Variants in AGBL4 observed in about 807,000 individuals in gnomAD.
AGBL4 encodes the protein cytosolic carboxypeptidase 6.
AGBL4 carries 58 observed loss-of-function variants against 66.4 expected under a neutral mutation model. That is an observed-to-expected ratio of 0.87 (90% CI 0.71 to 1.09). The LOEUF (loss-of-function observed/expected upper bound fraction) is 1.09. Ranked by LOEUF, AGBL4 falls within the 50% of genes least tolerant of loss-of-function variation. AGBL4 has a pLI of 0.00. For missense variants in AGBL4, 579 were observed against 631.0 expected (o/e 0.92, Z 0.88); for synonymous variants, 234 against 222.9 (o/e 1.05, Z -0.44).
intron 3 of AGBL4, among the ~76,000 whole-genome samples, chr1:49,640,956 G>A (rs1054049047): frequency 6.6e-6 from 1 of 152,064 alleles, no homozygotes; most frequent in Non-Finnish European, 1.5e-5. Flanking sequence ...CAATCCTTGC[G>A]ATGGGACTCA....
At chr1:49,004,294 G>C (rs1391181386) in intron 5 of AGBL4, among the ~76,000 whole-genome samples, 1 of 152,112 alleles carries the variant, frequency 6.6e-6, no homozygotes, top group East Asian at 1.9e-4. Flanking sequence ...CCCCAAGATA[G>C]AGTCAGGAAA....
At chr1:48,750,253 A>G (rs1651476606) in intron 6 of AGBL4, among the ~76,000 whole-genome samples, 2 of 152,262 alleles carry the variant, frequency 1.3e-5, no homozygotes, top group East Asian at 3.9e-4. Context: ...GCCCCCATGA[A>G]CCACCTGTAG....
intron 3 of AGBL4, among the ~76,000 whole-genome samples, chr1:49,414,202 T>C (rs1221057862): frequency 2.0e-5 from 3 of 152,172 alleles, no homozygotes; most frequent in African/African-American, 4.8e-5. Flanking sequence ...CATACACATA[T>C]ATATAAGCCC....
intron 3 of AGBL4, among the ~76,000 whole-genome samples, chr1:49,608,510 CTG>C (rs1267541917): frequency 1.3e-5 from 2 of 152,136 alleles, no homozygotes; most frequent in African/African-American, 2.4e-5. Flanking sequence ...CCTTAGCCTG[CTG>C]TGGTACACAA....
At chr1:49,092,852 C>A (rs1645026860) in intron 4 of AGBL4, among the ~76,000 whole-genome samples, 2 of 152,074 alleles carry the variant, frequency 1.3e-5, no homozygotes, top group Non-Finnish European at 2.9e-5. Context: ...TTCTGCCAGG[C>A]CCAACTGCTT....
At chr1:48,581,467 C>T (rs1401591909) in intron 11 of AGBL4, among the ~76,000 whole-genome samples, 1 of 152,228 alleles carries the variant, frequency 6.6e-6, no homozygotes, top group Non-Finnish European at 1.5e-5. Context: ...TGTCAAAGAG[C>T]TATTTCTTCT....
Position 49,132,361 on chromosome 1 carries a change from C to A in AGBL4, c.378-86561G>T, listed in dbSNP as rs545960808. On this transcript the variant is annotated intron_variant, in intron 4 of 13. Coordinates refer to ENST00000371839, the MANE Select transcript of AGBL4 (RefSeq NM_032785.4). ...ATGTAGAAAGGAAAAAAGAAAATGA[C>A]AACTTTTTATCCTCCAGCTAGCTCG... 5.9e-5 allele frequency among the ~76,000 whole-genome samples: 9 copies of A among 152,172 alleles called. No individual in the cohort carries two copies. In the East Asian group the frequency reaches 1.2e-3, roughly 20 times the overall value.
intron 11 of AGBL4, among the ~76,000 whole-genome samples, chr1:48,550,592 T>C (rs574288486): frequency 1.3e-5 from 2 of 152,320 alleles, no homozygotes; most frequent in Admixed American, 1.3e-4. Flanking sequence ...GTATTATTGA[T>C]AGGTTCTAGG....
chr1:49,654,681 C>T (rs1258987849), intron 3 of AGBL4, among the ~76,000 whole-genome samples: 6 of 152,062 alleles, frequency 3.9e-5, no homozygotes, highest in Admixed American at 3.3e-4. Flanking sequence ...TATATAATGG[C>T]CTTCTTTGTC....
chr1:49,235,811 C>T (rs1217988859), intron 4 of AGBL4, among the ~76,000 whole-genome samples: 2 of 152,066 alleles, frequency 1.3e-5, no homozygotes, highest in South Asian at 2.1e-4. Context: ...AGTGGACAAC[C>T]TCACTGTGCT....
At chr1:48,990,094 T>A (rs1378289251) in intron 5 of AGBL4, among the ~76,000 whole-genome samples, 1 of 152,186 alleles carries the variant, frequency 6.6e-6, no homozygotes, top group Non-Finnish European at 1.5e-5. Flanking sequence ...TGAGATGATA[T>A]CTCATTGTAG....
intron 4 of AGBL4, among the ~76,000 whole-genome samples, chr1:49,155,282 T>C (rs1423982872): frequency 1.3e-5 from 2 of 152,174 alleles, no homozygotes; most frequent in Non-Finnish European, 2.9e-5. Context: ...AGCCAAAATG[T>C]GCATCCAACC....
the AGBL4 span, among the ~76,000 whole-genome samples, chr1:48,527,470 G>A: frequency 2.6e-5 from 4 of 151,740 alleles, no homozygotes; most frequent in East Asian, 1.9e-4. Context: ...GTTGGTGCGC[G>A]CCTGTAGTCC....
chr1:48,832,620 G>A (rs921568153), intron 6 of AGBL4, among the ~76,000 whole-genome samples: 9 of 152,136 alleles, frequency 5.9e-5, no homozygotes, highest in African/African-American at 2.2e-4. Flanking sequence ...GTGTCAACTT[G>A]ACTGGATCAC....
chr1:49,999,123 G>C (rs1175513338), intron 1 of AGBL4, among the ~76,000 whole-genome samples: 1 of 151,984 alleles, frequency 6.6e-6, no homozygotes, highest in East Asian at 1.9e-4. Flanking sequence ...GTCCAAATCA[G>C]TAAAGAGGAA....
At chr1:48,888,959 G>C (rs976645405) in intron 5 of AGBL4, among the ~76,000 whole-genome samples, 1 of 152,138 alleles carries the variant, frequency 6.6e-6, no homozygotes, top group Non-Finnish European at 1.5e-5. Flanking sequence ...CAGCCTCAGG[G>C]CAACACTCCC....
intron 2 of AGBL4, among the ~76,000 whole-genome samples, chr1:49,799,814 T>C (rs1279169685): frequency 6.6e-6 from 1 of 152,098 alleles, no homozygotes; most frequent in Non-Finnish European, 1.5e-5. Flanking sequence ...CTTGAGTTTC[T>C]AGTACTTATA....
At chr1:48,830,890 C>T (rs1646536220) in intron 6 of AGBL4, among the ~76,000 whole-genome samples, 1 of 152,188 alleles carries the variant, frequency 6.6e-6, no homozygotes, top group African/African-American at 2.4e-5. Context: ...GGGCCTGCTA[C>T]ATACCAAGCA....
At chr1:49,546,643 G>C (rs1301680441) in intron 3 of AGBL4, among the ~76,000 whole-genome samples, 1 of 152,098 alleles carries the variant, frequency 6.6e-6, no homozygotes, top group African/African-American at 2.4e-5. Flanking sequence ...AGTATTCCCT[G>C]ATCACTACAT....
Sources: gnomAD v4.1 joint callset for allele counts (sites outside exome capture counted in the v4.1 genomes callset) on GRCh38, gnomAD v4.1.1 for gene constraint, MANE v1.5 for transcripts, NCBI Gene and HGNC (gene_info 2026-07-23, HGNC 2026-07-21) for gene names.